Variants in TAF1 observed in about 807,000 individuals in gnomAD.
The protein encoded by TAF1 is transcription initiation factor TFIID subunit 1.
TAF1 carries 2 observed loss-of-function variants against 138.5 expected under a neutral mutation model. The ratio of observed to expected loss-of-function variants is 0.01; its 90% CI spans 0.01 to 0.05. The LOEUF (loss-of-function observed/expected upper bound fraction) is 0.05, where lower values mean the gene tolerates loss of function less well. Ranked by LOEUF, TAF1 falls within the 10% of genes least tolerant of loss-of-function variation. The probability of loss-of-function intolerance (pLI) is 1.00; values close to 1 mark genes in which losing one functional copy is unlikely to be tolerated. For missense variants in TAF1, 709 were observed against 1,478.0 expected, an observed-to-expected ratio of 0.48 and a Z score of 8.53; for synonymous variants, 437 against 503.2, an observed-to-expected ratio of 0.87 and a Z score of 1.76.
At position 71,509,907 on chromosome X, in the gene TAF1, A is replaced by T. The variant is rs147972267; in HGVS notation, c.1367-18635A>T. ...GGCACGAGAATCTCTTGAACCTGGG[A>T]GGCAGAGGTTGCAATGAGCCAAGAT... On this transcript the variant is annotated intron_variant and NMD_transcript_variant, in intron 13 of 14. Coordinates refer to the TAF1 transcript ENST00000373775. Among the ~76,000 whole-genome samples, 379 of 111,060 alleles carry T rather than the reference A, an allele frequency of 3.4e-3. 2 individuals are homozygous for T. The highest frequency in any genetic ancestry group is 0.012 in the African/African-American group (370 of 30,542).
At chrX:71,386,231 G>A (rs1289675895) in intron 14 of TAF1, among the ~76,000 whole-genome samples, 1 of 110,384 alleles carries the variant, frequency 9.1e-6, no homozygotes, top group Non-Finnish European at 1.9e-5. Flanking sequence ...TTCACATGTA[G>A]AATTTTCTTT....
intron 35 of TAF1, 22 bp downstream of exon 35, chrX:71,458,388 T>A: frequency 8.3e-7 from 1 of 1,205,547 alleles, no homozygotes; most frequent in Non-Finnish European, 1.1e-6. Context: ...TTTTTCTCTT[T>A]ATAAGATTGT....
chrX:71,376,705 TGTA>T (rs992305733), intron 4 of TAF1, among the ~76,000 whole-genome samples: 11 of 107,818 alleles, frequency 1.0e-4, no homozygotes, highest in Admixed American at 3.0e-4. Flanking sequence ...AAGTAGTAAA[TGTA>T]GTAATAGTGT....
chrX:71,487,317 ATTTTTTTTT>A (rs60691914), intron 13 of TAF1, among the ~76,000 whole-genome samples: 1,243 of 54,993 alleles, frequency 0.023, 16 homozygotes, highest in African/African-American at 0.063. Flanking sequence ...TAATGTATGT[ATTTTTTTTT>A]TTTTTTTTTT....
intron 32 of TAF1, among the ~76,000 whole-genome samples, chrX:71,438,446 C>CA (rs1217727819): frequency 1.8e-5 from 2 of 111,696 alleles, no homozygotes; most frequent in East Asian, 5.6e-4. Flanking sequence ...TAGCATGTAT[C>CA]AGAGTTTCAT....
intron 3 of TAF1, among the ~76,000 whole-genome samples, chrX:71,369,394 A>G (rs948432529): frequency 8.9e-6 from 1 of 111,790 alleles, no homozygotes; most frequent in Non-Finnish European, 1.9e-5. Context: ...CTTAGAAGGT[A>G]GAGTCAGTGA....
chrX:71,377,475 G>GA (rs2033560065), intron 5 of TAF1, 128 bp from the exon 6 acceptor site: 7 of 881,196 alleles, frequency 7.9e-6, no homozygotes, highest in Non-Finnish European at 1.1e-5. Flanking sequence ...TTACAAGTCT[G>GA]AATGCGACAC....
Position 71,399,253 on chromosome X carries a change from CT to C in TAF1, c.3786+537del, listed in dbSNP as rs1159549890. Among the ~76,000 whole-genome samples the C allele has an allele frequency of 3.4e-3, 236 of 70,341 alleles. 1 individual carries two copies. Among genetic ancestry groups the C allele is most frequent in the East Asian group, 0.018 (40 of 2,225 alleles). 61.1% of individuals were successfully genotyped at this position (70,341 alleles called of 115,157 possible). On this transcript the variant is annotated intron_variant, in intron 24 of 37. Transcript: ENST00000423759. The stretch of plus-strand genomic sequence containing the variant: ...CCATGCCCGGCTTGTCATTTATTCT[CT>C]TTTTTTTTTTTTTTTTTTTTGAAAC...
chrX:71,529,221 G>A (rs760494105), intron 14 of TAF1, among the ~76,000 whole-genome samples: 6 of 110,083 alleles, frequency 5.5e-5, no homozygotes, highest in South Asian at 3.9e-4. Context: ...ACAGGTGCCC[G>A]CCACCACGCC....
intron 15 of TAF1, 79 bp from the exon 16 acceptor site, chrX:71,388,158 G>A: frequency 8.7e-7 from 1 of 1,150,185 alleles, no homozygotes; most frequent in Admixed American, 2.7e-5. Flanking sequence ...ATACATTAGA[G>A]CTTAGCAAAG....
intron 13 of TAF1, among the ~76,000 whole-genome samples, chrX:71,485,924 A>G (rs1282642632): frequency 9.0e-6 from 1 of 110,814 alleles, no homozygotes; most frequent in Non-Finnish European, 1.9e-5. Context: ...TGCCAAATCC[A>G]AGGTCATTAA....
At position 71,406,662 on chromosome X, in the gene TAF1, T is replaced by A; in HGVS notation, c.4023T>A (p.Ser1341=). 1 of 1,211,251 alleles carries A rather than the reference T, an allele frequency of 8.3e-7. No individual in the cohort carries two copies. The highest frequency in any genetic ancestry group is 1.1e-6 in the Non-Finnish European group (1 of 895,294). Residue 1341 remains serine (S), a synonymous_variant, in exon 26 of 38, where the codon TCT becomes TCA. Coordinates refer to ENST00000423759, the MANE Select transcript of TAF1 (RefSeq NM_004606.5). ...GTGCGGATGAGGTTCGCAGAAAATC[T>A]CTGGTTCTCAAGTTTCCTAAACAGC... ...IESADEVRRK[S]LVLKFPKQQL...
chrX:71,378,600 G>A (rs2033647451), intron 7 of TAF1, 147 bp downstream of exon 7: 1 of 753,461 alleles, frequency 1.3e-6, no homozygotes, highest in African/African-American at 2.1e-5. Flanking sequence ...TTGGTATGGT[G>A]TATCACCCTG....
At chrX:71,428,606 A>C (rs1262405460) in intron 32 of TAF1, among the ~76,000 whole-genome samples, 2 of 112,348 alleles carry the variant, frequency 1.8e-5, no homozygotes, top group Non-Finnish European at 3.8e-5. Context: ...TATAATCCTA[A>C]TCAGAGATGT....
chrX:71,503,326 GTGTA>G (rs1482185108), intron 13 of TAF1, among the ~76,000 whole-genome samples: 6 of 92,659 alleles, frequency 6.5e-5, no homozygotes, highest in African/African-American at 2.7e-4. Flanking sequence ...ATATATGTGT[GTGTA>G]TATATATATA....
At chrX:71,524,030 T>C (rs2039951567) in intron 13 of TAF1, among the ~76,000 whole-genome samples, 1 of 103,995 alleles carries the variant, frequency 9.6e-6, no homozygotes, top group African/African-American at 3.5e-5. Context: ...TTTTTTTTTT[T>C]TTTTTTTTTT....
At chrX:71,512,014 CAAAAA>C (rs776364300) in intron 13 of TAF1, among the ~76,000 whole-genome samples, 1 of 77,161 alleles carries the variant, frequency 1.3e-5, no homozygotes, top group Non-Finnish European at 2.5e-5. Flanking sequence ...GACCTTGTCT[CAAAAA>C]AAAAAAAAAA....
At chrX:71,490,520 G>A (rs1229377969) in intron 13 of TAF1, among the ~76,000 whole-genome samples, 2 of 109,584 alleles carry the variant, frequency 1.8e-5, no homozygotes, top group East Asian at 2.9e-4. Flanking sequence ...TCCGCCTCCC[G>A]GGTTCATGCC....
At chrX:71,390,000 G>A (rs769084241) in intron 18 of TAF1, among the ~76,000 whole-genome samples, 30 of 110,459 alleles carry the variant, frequency 2.7e-4, no homozygotes, top group Non-Finnish European at 5.1e-4. Context: ...TCAGCCTCCC[G>A]AGTAGCTGAA....
Sources: gnomAD v4.1 joint callset for allele counts (sites outside exome capture counted in the v4.1 genomes callset) on GRCh38, gnomAD v4.1.1 for gene constraint, MANE v1.5 for transcripts, NCBI Gene and HGNC (gene_info 2026-07-23, HGNC 2026-07-21) for gene names.